MB21D2: variants seen among roughly 807,000 people sequenced by gnomAD.
MB21D2 encodes the protein Mab-21 domain containing 2.
A neutral mutation model predicts 33.3 loss-of-function variants in MB21D2; 9 were observed. That is an observed-to-expected ratio of 0.27 (90% CI 0.16 to 0.47). The LOEUF (loss-of-function observed/expected upper bound fraction) is 0.47. Ranked by LOEUF, MB21D2 falls within the 20% of genes least tolerant of loss-of-function variation. MB21D2 has a pLI of 0.99. For synonymous variants in MB21D2, 241 were observed against 236.3 expected (o/e 1.02, Z -0.18); for missense variants, 540 against 624.6 (o/e 0.86, Z 1.44).
At chr3:192,807,636 T>C (rs576287169) in intron 1 of MB21D2, among the ~76,000 whole-genome samples, 113 of 152,168 alleles carry the variant, frequency 7.4e-4, no homozygotes, top group African/African-American at 2.6e-3. Context: ...AGTCTACATT[T>C]TGGAAGAAAA....
chr3:192,825,366 T>G (rs1215128989), intron 1 of MB21D2, among the ~76,000 whole-genome samples: 1 of 152,080 alleles, frequency 6.6e-6, no homozygotes, highest in East Asian at 1.9e-4. Context: ...TCAGGCAAAT[T>G]CTCATGCCAG....
intron 1 of MB21D2, among the ~76,000 whole-genome samples, chr3:192,849,423 T>C (rs1022063590): frequency 1.3e-5 from 2 of 151,684 alleles, no homozygotes; most frequent in East Asian, 2.0e-4. Flanking sequence ...GTTCAAGCGA[T>C]TCTCCTGCCT....
chr3:192,834,326 A>C (rs1174314256), intron 1 of MB21D2, among the ~76,000 whole-genome samples: 1 of 151,766 alleles, frequency 6.6e-6, no homozygotes, highest in Non-Finnish European at 1.5e-5. Context: ...CAAAAAAAAA[A>C]AACCAAACAA....
At chr3:192,879,190 G>C (rs1447245390) in intron 1 of MB21D2, among the ~76,000 whole-genome samples, 1 of 152,190 alleles carries the variant, frequency 6.6e-6, no homozygotes, top group Non-Finnish European at 1.5e-5. Context: ...GAGCTTTGTG[G>C]GCTAGAAGGA....
intron 1 of MB21D2, among the ~76,000 whole-genome samples, chr3:192,828,591 C>CTT (rs577556016): frequency 1.8e-5 from 1 of 54,132 alleles, no homozygotes; most frequent in African/African-American, 5.5e-5. Flanking sequence ...TCACCCCCCC[C>CTT]ATATATATAT....
At chr3:192,892,735 G>A (rs1201844467) in intron 1 of MB21D2, among the ~76,000 whole-genome samples, 1 of 152,204 alleles carries the variant, frequency 6.6e-6, no homozygotes, top group South Asian at 2.1e-4. Context: ...GAGCCACCGC[G>A]CCCGGCCATA....
chr3:192,830,260 GT>G (rs1560233402), intron 1 of MB21D2, among the ~76,000 whole-genome samples: 9 of 151,918 alleles, frequency 5.9e-5, no homozygotes, highest in Admixed American at 1.3e-4. Context: ...GTGTGTGTGT[GT>G]GTGTGTGTGG....
intron 1 of MB21D2, among the ~76,000 whole-genome samples, chr3:192,834,994 G>C (rs552333808): frequency 6.0e-5 from 9 of 150,626 alleles, no homozygotes; most frequent in Non-Finnish European, 1.2e-4. Flanking sequence ...ATTTTTAGTA[G>C]AGACAGGGTT....
intron 1 of MB21D2, among the ~76,000 whole-genome samples, chr3:192,816,385 T>C (rs1711924925): frequency 6.6e-6 from 1 of 152,152 alleles, no homozygotes; most frequent in Non-Finnish European, 1.5e-5. Flanking sequence ...AAAAATTCCA[T>C]AATTCCAGTC....
At chr3:192,890,351 A>G (rs372319309) in intron 1 of MB21D2, among the ~76,000 whole-genome samples, 2 of 152,072 alleles carry the variant, frequency 1.3e-5, no homozygotes, top group African/African-American at 4.8e-5. Context: ...GGTATTTTCA[A>G]GGCAATATAC....
intron 1 of MB21D2, among the ~76,000 whole-genome samples, chr3:192,903,288 G>C (rs1039129444): frequency 3.9e-5 from 6 of 152,128 alleles, no homozygotes; most frequent in Non-Finnish European, 7.3e-5. Flanking sequence ...AAAAGTAAAG[G>C]CAGCATTCAG....
At chr3:192,853,657 T>C (rs1712854051) in intron 1 of MB21D2, among the ~76,000 whole-genome samples, 1 of 152,190 alleles carries the variant, frequency 6.6e-6, no homozygotes, top group African/African-American at 2.4e-5. Flanking sequence ...TGTTTTTTTT[T>C]TTATTCTCAA....
At chr3:192,897,897 A>G (rs9882562) in intron 1 of MB21D2, among the ~76,000 whole-genome samples, 77,789 of 151,442 alleles carry the variant, frequency 0.51, 20,078 homozygotes, top group South Asian at 0.53. Flanking sequence ...TGGGAGAAGC[A>G]CTTGAGCCCA....
intron 1 of MB21D2, among the ~76,000 whole-genome samples, chr3:192,825,496 A>G (rs912764784): frequency 4.6e-5 from 7 of 152,214 alleles, no homozygotes; most frequent in African/African-American, 1.4e-4. Flanking sequence ...AAAAAATCAG[A>G]AAACATAAAA....
At chr3:192,851,588 G>A (rs371817169) in intron 1 of MB21D2, among the ~76,000 whole-genome samples, 33 of 138,528 alleles carry the variant, frequency 2.4e-4, no homozygotes, top group African/African-American at 8.4e-4. Context: ...TCCGTCTCCC[G>A]GATTCAAGCG....
At chr3:192,806,625 G>A (rs1711666294) in intron 1 of MB21D2, among the ~76,000 whole-genome samples, 2 of 152,090 alleles carry the variant, frequency 1.3e-5, no homozygotes, top group South Asian at 4.1e-4. Flanking sequence ...AGATTAGAAG[G>A]CACCCGCTTT....
At chr3:192,894,280 C>T (rs993113333) in intron 1 of MB21D2, among the ~76,000 whole-genome samples, 1 of 151,752 alleles carries the variant, frequency 6.6e-6, no homozygotes, top group Non-Finnish European at 1.5e-5. Context: ...AGGCGCCCAC[C>T]ACCATGCCTG....
intron 1 of MB21D2, among the ~76,000 whole-genome samples, chr3:192,838,222 T>C (rs562098757): frequency 6.6e-6 from 1 of 152,254 alleles, no homozygotes; most frequent in African/African-American, 2.4e-5. Context: ...ACATCTTAAG[T>C]GTGCTCATGA....
At chr3:192,837,691 T>C (rs1396562792) in intron 1 of MB21D2, among the ~76,000 whole-genome samples, 1 of 152,234 alleles carries the variant, frequency 6.6e-6, no homozygotes, top group Non-Finnish European at 1.5e-5. Context: ...GCAAAAAATA[T>C]AGATTCCAAA....
Sources: gnomAD v4.1 joint callset for allele counts (sites outside exome capture counted in the v4.1 genomes callset) on GRCh38, gnomAD v4.1.1 for gene constraint, MANE v1.5 for transcripts, NCBI Gene and HGNC (gene_info 2026-07-23, HGNC 2026-07-21) for gene names.